IL13RA2: variants seen among roughly 807,000 people sequenced by gnomAD.
IL13RA2 encodes interleukin 13 receptor subunit alpha 2, also known as interleukin-13 receptor subunit alpha-2.
A neutral mutation model predicts 34.1 loss-of-function variants in IL13RA2; 25 were observed. That is an observed-to-expected ratio of 0.73 (90% confidence interval 0.53 to 1.03). The LOEUF is 1.03. Ranked by LOEUF, IL13RA2 falls within the 50% of genes least tolerant of loss-of-function variation. The probability of loss-of-function intolerance (pLI) is 0.00; values close to 1 mark genes in which losing one functional copy is unlikely to be tolerated. For missense variants in IL13RA2, 297 were observed against 280.9 expected (o/e 1.06, Z -0.41); for synonymous variants, 106 against 100.4 (o/e 1.06, Z -0.33).
chrX:115,011,030 G>A (rs1325270621), intron 5 of IL13RA2, among the ~76,000 whole-genome samples: 1 of 111,400 alleles, frequency 9.0e-6, no homozygotes, highest in Admixed American at 9.6e-5. Flanking sequence ...CATAGTCCCC[G>A]ATTTCATGGA....
rs782743423 is a variant in IL13RA2, at chrX:115,005,308, G to A, written c.1005C>T (p.Asp335=). 1.1e-5 allele frequency: 10 copies of A among 922,214 alleles called. No homozygotes were observed. Among genetic ancestry groups the A allele is most frequent in the East Asian group, 3.1e-5 (1 of 32,512 alleles). The allele number at this position is 922,214 out of a possible 1,213,427, so 76.0% of individuals were successfully genotyped here. The change falls in exon 9 of 10, where the codon GAC becomes GAT. Residue 335 remains aspartate (D), a synonymous_variant. Transcript: ENST00000243213. ...WSDKQCWEGE[D]LSKKTLLRFW... is the part of the protein sequence containing the mutation. The stretch of plus-strand genomic sequence containing the variant: ...AACGTAGCAAAGTTTTCTTCGATAG[G>A]TCTTCACCTAGGATTAAAAATCACA...
intron 9 of IL13RA2, among the ~76,000 whole-genome samples, chrX:115,004,510 G>A (rs1353848084): frequency 1.9e-5 from 2 of 107,525 alleles, no homozygotes; most frequent in Non-Finnish European, 3.8e-5. Flanking sequence ...AGGAGGCTGA[G>A]GCAGGAGGAT....
Position 115,013,823 on chromosome X carries a change from G to T in IL13RA2, c.467C>A (p.Ser156Tyr). The T allele has an allele frequency of 9.7e-7, 1 of 1,034,307 alleles. No homozygotes were observed. Among genetic ancestry groups the T allele is most frequent in the Non-Finnish European group, 1.4e-6 (1 of 735,931 alleles). 85.2% of individuals were successfully genotyped at this position (1,034,307 alleles called of 1,213,427 possible). ...AAGTACACCTATGCCAGGTTTCCAA[G>T]AACAGAGTAAATATTGCCAATTGTA... ...VYYNWQYLLCSWKPGIGVLLD... is the reference protein window; with the variant it reads ...VYYNWQYLLCYWKPGIGVLLD... The change falls in exon 5 of 10, where the codon TCT becomes TAT. Residue 156 changes from serine to tyrosine, a missense_variant. By Grantham distance (144) the Ser-to-Tyr change is moderately radical. Coordinates refer to ENST00000243213, the MANE Select transcript of IL13RA2 (RefSeq NM_000640.3).
Position 115,015,686 on chromosome X carries a change from C to T in IL13RA2, c.230G>A (p.Gly77Asp). 2 of 1,204,132 alleles carry T rather than the reference C, an allele frequency of 1.7e-6. No individual in the cohort carries two copies. Among genetic ancestry groups the T allele is most frequent in the Non-Finnish European group, 1.1e-6 (1 of 888,829 alleles). ...TTTACTTACCTTCCATGTTTCACTA[C>T]CAATGTTTCGGTATTTTAGTTCATA... ...VEYELKYRNI[G>D]SETWKTIITK... The change falls in exon 3 of 10, where the codon GGT becomes GAT. Residue 77 changes from glycine to aspartate, a missense_variant. By Grantham distance (94) the Gly-to-Asp change is moderately conservative. Coordinates refer to ENST00000243213, the MANE Select transcript of IL13RA2 (RefSeq NM_000640.3).
chrX:115,009,193 G>A (rs1274778884), intron 7 of IL13RA2, among the ~76,000 whole-genome samples: 1 of 104,882 alleles, frequency 9.5e-6, no homozygotes, highest in Non-Finnish European at 2.0e-5. Context: ...TCCTCAATAA[G>A]TGGTCTTTGT....
intron 5 of IL13RA2, 26 bp from the exon 6 acceptor site, chrX:115,010,854 G>C (rs368881396): frequency 1.7e-5 from 13 of 783,348 alleles, no homozygotes; most frequent in Middle Eastern, 3.1e-4. Context: ...TGTGAGAATT[G>C]TGTTTAAATA....
intron 5 of IL13RA2, 71 bp downstream of exon 5, chrX:115,013,698 G>C (rs1339942606): frequency 1.8e-6 from 1 of 558,665 alleles, no homozygotes; most frequent in Non-Finnish European, 3.0e-6. Flanking sequence ...TGAAAATATA[G>C]TTTACTCATA....
intron 9 of IL13RA2, 29 bp downstream of exon 9, chrX:115,005,168 G>T: frequency 1.5e-6 from 1 of 662,366 alleles, no homozygotes; most frequent in Non-Finnish European, 2.5e-6. Context: ...CTATTCTCAG[G>T]CTAAACATCA....
intron 8 of IL13RA2, among the ~76,000 whole-genome samples, chrX:115,007,569 A>G (rs1208410564): frequency 8.9e-6 from 1 of 111,832 alleles, no homozygotes; most frequent in African/African-American, 3.2e-5. Context: ...AGACACCCAG[A>G]AACAAATGTA....
intron 2 of IL13RA2, 127 bp from the exon 3 acceptor site, chrX:115,015,948 T>C: frequency 2.1e-6 from 1 of 466,883 alleles, no homozygotes; most frequent in Non-Finnish European, 3.6e-6. Context: ...ATGCATACAA[T>C]CAAATATTAT....
At position 115,017,243 on chromosome X, in the gene IL13RA2, T is replaced by C; in HGVS notation, c.27A>G (p.Gly9=). The part of the protein sequence containing the change: MAFVCLAI[G]CLYTFLISTT... The stretch of plus-strand genomic sequence containing the variant: ...TGCTTATCAGAAAGGTATATAAGCA[T>C]CCGATAGCCAAGCAAACGAAAGCCA... Residue 9 remains glycine, a synonymous_variant, in exon 2 of 10, where the codon GGA becomes GGG. Coordinates refer to ENST00000243213, the MANE Select transcript of IL13RA2 (RefSeq NM_000640.3). 1.0e-6 allele frequency: 1 copy of C among 994,522 alleles called. No homozygotes were observed. The highest frequency in any genetic ancestry group is 1.4e-6 in the Non-Finnish European group (1 of 700,566). 82.0% of individuals were successfully genotyped at this position (994,522 alleles called of 1,213,427 possible). A position where few individuals can be genotyped will look rare whatever the true frequency, so the allele number is the denominator to read the frequency against.
At position 115,013,843 on chromosome X, in the gene IL13RA2, A is replaced by G. The variant is rs371006985; in HGVS notation, c.447T>C (p.Asn149=). The change falls in exon 5 of 10, where the codon AAT becomes AAC. Residue 149 remains asparagine, a synonymous_variant. Coordinates refer to ENST00000243213, the MANE Select transcript of IL13RA2 (RefSeq NM_000640.3). ...KVQDMDCVYY[N]WQYLLCSWKP... ...TCCAAGAACAGAGTAAATATTGCCA[A>G]TTGTAATATACGCAATCCATATCCT... The G allele has an allele frequency of 1.1e-5, 11 of 994,458 alleles. No individual in the cohort carries two copies. The highest frequency in any genetic ancestry group is 1.4e-5 in the Non-Finnish European group (10 of 698,814). 82.0% of individuals were successfully genotyped at this position (994,458 alleles called of 1,213,427 possible).
chrX:115,004,763 T>C (rs1281794206), intron 9 of IL13RA2, among the ~76,000 whole-genome samples: 1 of 112,083 alleles, frequency 8.9e-6, no homozygotes, highest in Non-Finnish European at 1.9e-5. Flanking sequence ...ATGGATCCTG[T>C]CTCCCTTAAC....
rs782224783 is a variant in IL13RA2, at chrX:115,007,685, A to G, written c.997+247T>C. Among the ~76,000 whole-genome samples the G allele has an allele frequency of 4.6e-4, 52 of 111,899 alleles. No homozygotes were observed. The South Asian group carries it at 0.019, about 40-fold the overall frequency. On this transcript the variant is annotated intron_variant, in intron 8 of 9. Coordinates refer to ENST00000243213, the MANE Select transcript of IL13RA2 (RefSeq NM_000640.3). ...GCCAATCTCTCAAAAGAATGAGCATATTATCTATATTGACAGAAAAACAAG... is the reference window on the plus strand; with the variant it reads ...GCCAATCTCTCAAAAGAATGAGCATGTTATCTATATTGACAGAAAAACAAG...
rs2071698342 is a variant in IL13RA2 at position 115,009,620 on chromosome X, T to C, written c.753A>G (p.Ser251=). 4.2e-6 allele frequency: 5 copies of C among 1,204,819 alleles called. No individual in the cohort carries two copies. The highest frequency in any genetic ancestry group is 5.6e-6 in the Non-Finnish European group (5 of 889,311). ...PVYLTFTRES[S]CEIKLKWSIP... ...TGCTCCATTTCAGCTTAATTTCACATGAACTCTCCCGAGTAAAAGTAAGAT... is the reference window on the plus strand; with the variant it reads ...TGCTCCATTTCAGCTTAATTTCACACGAACTCTCCCGAGTAAAAGTAAGAT... Residue 251 remains serine, a synonymous_variant, in exon 7 of 10, where the codon TCA becomes TCG. Coordinates refer to ENST00000243213, the MANE Select transcript of IL13RA2 (RefSeq NM_000640.3).
rs782272099 is a variant in IL13RA2 at position 115,014,474 on chromosome X, C to T, written c.347G>A (p.Gly116Glu). 5.5e-5 allele frequency: 66 copies of T among 1,189,647 alleles called. No individual in the cohort carries two copies. In the East Asian group the frequency reaches 1.9e-3, roughly 35 times the overall value. The change falls in exon 4 of 10, where the codon GGA becomes GAA. Residue 116 changes from glycine (G) to glutamate (E), a missense_variant. Transcript: ENST00000243213. ...TGCCCAGGAACTTTGAACTTCTGAT[C>T]CATTTGTGCATTGCCATGGTAAAAG... ...HTLLPWQCTN[G>E]SEVQSSWAET...
intron 3 of IL13RA2, 124 bp downstream of exon 3, chrX:115,015,546 T>C: frequency 1.7e-6 from 1 of 579,888 alleles, no homozygotes. Flanking sequence ...GAAGCGGGTG[T>C]GGAAGCTTTT....
At chrX:115,014,621 G>A (rs781842399) in intron 3 of IL13RA2, 47 bp from the exon 4 acceptor site, 5 of 952,207 alleles carry the variant, frequency 5.3e-6, no homozygotes, top group Non-Finnish European at 5.9e-6. Context: ...AAACCTCCAT[G>A]GTATAGTGAG....
At position 115,010,836 on chromosome X, in the gene IL13RA2, A is replaced by T; in HGVS notation, c.522-8T>A. 2.1e-6 allele frequency: 2 copies of T among 946,869 alleles called. No individual in the cohort carries two copies. The highest frequency in any genetic ancestry group is 2.8e-6 in the Non-Finnish European group (2 of 708,870). The allele number at this position is 946,869 out of a possible 1,213,427, so 78.0% of individuals were successfully genotyped here. A position where few individuals can be genotyped will look rare whatever the true frequency, so the allele number is the denominator to read the frequency against. On this transcript the variant is annotated splice_polypyrimidine_tract_variant and splice_region_variant and intron_variant, in intron 5 of 9. Transcript: ENST00000243213. ...TGATCCAAGCCCTCATACCTGTAAA[A>T]TGAGTGTTGTGAGAATTGTGTTTAA... is the stretch of plus-strand genomic sequence containing the variant.
Sources: gnomAD v4.1 joint callset for allele counts (sites outside exome capture counted in the v4.1 genomes callset) on GRCh38, gnomAD v4.1.1 for gene constraint, MANE v1.5 for transcripts, NCBI Gene and HGNC (gene_info 2026-07-23, HGNC 2026-07-21) for gene names.